PCDHGA5: variants seen among roughly 807,000 people sequenced by gnomAD.
PCDHGA5 encodes protocadherin gamma-A5.
Under a neutral mutation model 56.7 loss-of-function variants are expected in PCDHGA5, and 36 were observed. The observed-to-expected ratio is 0.64, with a 90% CI of 0.49 to 0.84. The LOEUF (loss-of-function observed/expected upper bound fraction) is 0.84, where lower values mean the gene tolerates loss of function less well. Ranked by LOEUF, PCDHGA5 falls within the 40% of genes least tolerant of loss-of-function variation. PCDHGA5 has a pLI of 0.00. For missense variants in PCDHGA5, 1,305 were observed against 1,201.5 expected (o/e 1.09, Z -1.27); for synonymous variants, 563 against 520.2 (o/e 1.08, Z -1.12).
chr5:141,479,813 T>G (rs543146395), intron 1 of PCDHGA5, among the ~76,000 whole-genome samples: 1 of 152,318 alleles, frequency 6.6e-6, no homozygotes, highest in South Asian at 2.1e-4. Flanking sequence ...TATGCAAGGA[T>G]ACTATCCAAG....
intron 1 of PCDHGA5, chr5:141,478,636 T>G: frequency 1.3e-6 from 2 of 1,552,744 alleles, no homozygotes; most frequent in South Asian, 2.4e-5. Flanking sequence ...TTTTTAGTGA[T>G]GAAGATGTTT....
At chr5:141,427,386 A>G (rs2097020887) in intron 1 of PCDHGA5, 1 of 459,098 alleles carries the variant, frequency 2.2e-6, no homozygotes, top group Non-Finnish European at 4.4e-6. Context: ...CACTCTGTTC[A>G]AAACACATGA....
At chr5:141,460,132 T>TAAAA in intron 1 of PCDHGA5, among the ~76,000 whole-genome samples, 1 of 152,036 alleles carries the variant, frequency 6.6e-6, no homozygotes, top group South Asian at 2.1e-4. Context: ...GTAATATATA[T>TAAAA]ATTCTTGATG....
intron 1 of PCDHGA5, chr5:141,421,143 A>T (rs2096549098): frequency 3.1e-6 from 3 of 964,414 alleles, no homozygotes; most frequent in Non-Finnish European, 4.5e-6. Flanking sequence ...TTTTGGATGT[A>T]GTCGGCCTAG....
intron 1 of PCDHGA5, among the ~76,000 whole-genome samples, chr5:141,455,204 T>G (rs1173402170): frequency 6.6e-6 from 1 of 152,052 alleles, no homozygotes; most frequent in Admixed American, 6.6e-5. Context: ...TTACAACCAA[T>G]AAGAGTTTTT....
intron 1 of PCDHGA5, chr5:141,413,448 G>A (rs781717265): frequency 3.1e-6 from 5 of 1,614,122 alleles, no homozygotes; most frequent in Non-Finnish European, 4.2e-6. Context: ...TGATCACCGC[G>A]GGCAGGATAG....
Position 141,490,162 on chromosome 5 carries a change from A to C in PCDHGA5, c.2422-4645A>C. ...TGGGGCAATCCATGTGTTGGGTCCC[A>C]TAGACTTTGAGGAGTCACGTTTCTA... On this transcript the variant is annotated intron_variant, in intron 1 of 3. Coordinates refer to ENST00000518069, the MANE Select transcript of PCDHGA5 (RefSeq NM_018918.3). The surrounding 1 kb of genome is among the most constrained non-coding windows in gnomAD (Gnocchi z 5.4). The C allele has an allele frequency of 6.2e-7, 1 of 1,614,218 alleles. No individual in the cohort carries two copies. The highest frequency in any genetic ancestry group is 8.5e-7 in the Non-Finnish European group (1 of 1,180,028).
chr5:141,403,333 C>G (rs376895778), intron 1 of PCDHGA5: 1 of 1,613,984 alleles, frequency 6.2e-7, no homozygotes, highest in South Asian at 1.1e-5. Context: ...CTGATATTAA[C>G]GACAGCGCCC....
At chr5:141,375,357 C>T in intron 1 of PCDHGA5, 3 of 1,613,858 alleles carry the variant, frequency 1.9e-6, no homozygotes, top group African/African-American at 1.3e-5. Flanking sequence ...GTGACAGCCA[C>T]GGACAAAGGA....
chr5:141,482,574 A>C (rs1294997781), intron 1 of PCDHGA5, among the ~76,000 whole-genome samples: 2 of 151,592 alleles, frequency 1.3e-5, no homozygotes, highest in Non-Finnish European at 2.9e-5. Context: ...GCATAGCATA[A>C]GATGCAGTGG....
intron 1 of PCDHGA5, chr5:141,383,669 T>C (rs1208890643): frequency 1.2e-6 from 2 of 1,613,784 alleles, no homozygotes; most frequent in Non-Finnish European, 1.7e-6. Flanking sequence ...AATGTGCCAG[T>C]GGGTACAAGA....
rs1210490734 is a variant in PCDHGA5, at chr5:141,364,431, C to A, written c.101C>A (p.Ser34Ter). 6.2e-7 allele frequency: 1 copy of A among 1,613,754 alleles called. No individual in the cohort carries two copies. The highest frequency in any genetic ancestry group is 1.7e-5 in the Admixed American group (1 of 60,012). The change falls in exon 1 of 4, where the codon TCG becomes TAG. Residue 34 changes from serine (S) to a stop codon, truncating the protein, a stop_gained. Transcript: ENST00000518069. LOFTEE classifies it high-confidence loss of function. ...CCAGGATCCGGGCAGATCCGCTACTCGATGCCGGAGGAGCTGGACAAAGGC... is the reference window on the plus strand; with the variant it reads ...CCAGGATCCGGGCAGATCCGCTACTAGATGCCGGAGGAGCTGGACAAAGGC... ...CEPGSGQIRY[S>*]MPEELDKGSF...
intron 1 of PCDHGA5, among the ~76,000 whole-genome samples, chr5:141,464,155 C>T (rs2099076990): frequency 1.3e-5 from 2 of 151,614 alleles, no homozygotes; most frequent in African/African-American, 4.8e-5. Flanking sequence ...GTCCCAGCTA[C>T]TTGGAAGGCT....
rs770354956 is a variant in PCDHGA5, at chr5:141,399,731, C to T, written c.2421+32980C>T. Reference sequence around the variant, plus strand: ...ACACTACAGGCCCGCGACCAGGGCTCGCCTGCGCTCAGCGCAAACGTGAGC... The same window carrying T: ...ACACTACAGGCCCGCGACCAGGGCTTGCCTGCGCTCAGCGCAAACGTGAGC... On this transcript the variant is annotated intron_variant, in intron 1 of 3. Transcript: ENST00000518069. 229 of 1,613,292 alleles carry T rather than the reference C, an allele frequency of 1.4e-4. No homozygotes were observed. The highest frequency in any genetic ancestry group is 1.8e-4 in the Non-Finnish European group (217 of 1,179,878).
chr5:141,411,573 GA>G (rs2095500797), intron 1 of PCDHGA5: 1 of 152,244 alleles, frequency 6.6e-6, no homozygotes, highest in Middle Eastern at 3.4e-3. Flanking sequence ...GACAGAGTGC[GA>G]CCCTGTCTCT....
At chr5:141,426,834 A>G (rs1561824131) in intron 1 of PCDHGA5, 1 of 456,724 alleles carries the variant, frequency 2.2e-6, no homozygotes, top group South Asian at 1.5e-5. Flanking sequence ...GATGGACAAG[A>G]CTAAAGGCAA....
chr5:141,499,533 G>T (rs2099792525), intron 2 of PCDHGA5, among the ~76,000 whole-genome samples: 1 of 152,086 alleles, frequency 6.6e-6, no homozygotes, highest in African/African-American at 2.4e-5. Flanking sequence ...AGAGAGAATG[G>T]TGTCATGAAC....
chr5:141,405,238 C>T, intron 1 of PCDHGA5: 1 of 1,614,168 alleles, frequency 6.2e-7, no homozygotes, highest in African/African-American at 1.3e-5. Flanking sequence ...TCACCGCTGA[C>T]TCAAGGAAGA....
chr5:141,470,479 C>T (rs2099231547), intron 1 of PCDHGA5, among the ~76,000 whole-genome samples: 1 of 152,078 alleles, frequency 6.6e-6, no homozygotes, highest in African/African-American at 2.4e-5. Flanking sequence ...ATTACTAACC[C>T]TCTGGGAATA....
Sources: allele counts gnomAD v4.1 joint callset (sites outside exome capture counted in the v4.1 genomes callset), GRCh38; gene constraint gnomAD v4.1.1; non-coding constraint Gnocchi (gnomAD v3.1); transcripts MANE v1.5; gene names NCBI Gene and HGNC (gene_info 2026-07-23, HGNC 2026-07-21).